The following CGRRF1 variants were observed in gnomAD, a reference collection of about 807,000 sequenced individuals.
CGRRF1 encodes cell growth regulator with RING finger domain protein 1.
In CGRRF1, 32 loss-of-function variants were observed where a neutral mutation model predicts 37.2. That is an observed-to-expected ratio of 0.86 (90% CI 0.65 to 1.16). The LOEUF (loss-of-function observed/expected upper bound fraction) is 1.16. CGRRF1 is among the 50% of genes most tolerant of loss of function. The probability of loss-of-function intolerance (pLI) is 0.00; values close to 1 mark genes in which losing one functional copy is unlikely to be tolerated. For missense variants in CGRRF1, 391 were observed against 382.6 expected (o/e 1.02, Z -0.18); for synonymous variants, 141 against 140.3 (o/e 1.00, Z -0.04).
chr14:54,535,662 T>C (rs374913684), intron 4 of CGRRF1, among the ~76,000 whole-genome samples: 82 of 152,300 alleles, frequency 5.4e-4, no homozygotes, highest in African/African-American at 1.8e-3. Context: ...ATCCTGCTTT[T>C]TATTAAAAAA....
chr14:54,521,313 T>G (rs2032311922), intron 1 of CGRRF1, among the ~76,000 whole-genome samples: 1 of 151,550 alleles, frequency 6.6e-6, no homozygotes, highest in Admixed American at 6.6e-5. Context: ...ATACAAAAAT[T>G]ACCTGGGCAT....
At chr14:54,525,362 T>C (rs1178934045) in intron 2 of CGRRF1, among the ~76,000 whole-genome samples, 7 of 152,226 alleles carry the variant, frequency 4.6e-5, no homozygotes, top group African/African-American at 1.7e-4. Context: ...TTGCGAATGT[T>C]TGAGGCAAAT....
intron 1 of CGRRF1, among the ~76,000 whole-genome samples, chr14:54,515,240 T>A (rs2032196001): frequency 6.6e-6 from 1 of 151,550 alleles, no homozygotes; most frequent in Admixed American, 6.6e-5. Context: ...AGGTGTGCAC[T>A]ACCATGCCCA....
chr14:54,531,474 T>C (rs556247860), intron 4 of CGRRF1, among the ~76,000 whole-genome samples: 19 of 152,316 alleles, frequency 1.2e-4, no homozygotes, highest in African/African-American at 4.6e-4. Flanking sequence ...TTCTGTATTC[T>C]GTCATATTTG....
At chr14:54,511,889 G>T (rs549964513) in intron 1 of CGRRF1, among the ~76,000 whole-genome samples, 88 of 152,242 alleles carry the variant, frequency 5.8e-4, no homozygotes, top group Middle Eastern at 3.4e-3. Context: ...CCTAATTTAG[G>T]CCTAACCAGT....
chr14:54,528,001 A>G (rs992816836), intron 2 of CGRRF1, among the ~76,000 whole-genome samples: 1 of 152,154 alleles, frequency 6.6e-6, no homozygotes, highest in Admixed American at 6.5e-5. Flanking sequence ...TTGGCCTCCC[A>G]AAGTGCTGGA....
intron 1 of CGRRF1, among the ~76,000 whole-genome samples, chr14:54,519,411 ATTTTTTT>A (rs1217283462): frequency 6.6e-5 from 8 of 121,602 alleles, no homozygotes; most frequent in African/African-American, 9.2e-5. Context: ...CTAATTTTCC[ATTTTTTT>A]TTTTTTTTTT....
chr14:54,528,129 G>C (rs1378646598), intron 2 of CGRRF1, among the ~76,000 whole-genome samples: 1 of 149,478 alleles, frequency 6.7e-6, no homozygotes, highest in African/African-American at 2.5e-5. Context: ...TCTCTACCTT[G>C]CTTTTTTTTC....
In CGRRF1 at chr14:54,538,163, C is replaced by G; in HGVS notation, c.779C>G (p.Ser260Cys). Residue 260 changes from serine to cysteine, a missense_variant, in exon 6 of 6, where the codon TCT becomes TGT. Coordinates refer to ENST00000216420, the MANE Select transcript of CGRRF1 (RefSeq NM_006568.3). Reference protein sequence around the residue: ...DRSLLEKVGLSESEVEPSEEN... With the variant: ...DRSLLEKVGLCESEVEPSEEN... ...AGTTTGTTGGAAAAGGTGGGACTCT[C>G]TGAAAGTGAAGTTGAGCCATCGGAA... 6.2e-7 allele frequency: 1 copy of G among 1,614,180 alleles called. No homozygotes were observed. The highest frequency in any genetic ancestry group is 8.5e-7 in the Non-Finnish European group (1 of 1,180,024).
chr14:54,518,883 A>G (rs1415229345), intron 1 of CGRRF1, among the ~76,000 whole-genome samples: 1 of 152,090 alleles, frequency 6.6e-6, no homozygotes, highest in African/African-American at 2.4e-5. Context: ...TTTTATATTC[A>G]TTTATACCCA....
chr14:54,531,047 T>C lies in CGRRF1; in HGVS notation c.567T>C (p.Asp189=). Residue 189 remains aspartate, a synonymous_variant, in exon 4 of 6, where the codon GAT becomes GAC. Coordinates refer to ENST00000216420, the MANE Select transcript of CGRRF1 (RefSeq NM_006568.3). The part of the protein sequence containing the change: ...LADEDDREIY[D]IISMVSVIHI... ...ATGAGGATGACCGGGAAATTTATGA[T>C]ATTGTAAGTAATTGAAAATTTTGAA... is the stretch of plus-strand genomic sequence containing the variant. 6.2e-7 allele frequency: 1 copy of C among 1,601,930 alleles called. No homozygotes were observed. Among genetic ancestry groups the C allele is most frequent in the Middle Eastern group, 1.7e-4 (1 of 6,040 alleles).
In CGRRF1 at chr14:54,538,260, A is replaced by G; in HGVS notation, c.876A>G (p.Thr292=). ...VNWVLLPCRH[T]CLCDGCVKYF... ...GGGTACTCTTACCATGCAGACACAC[A>G]TGCCTGTGTGATGGCTGTGTGAAGT... Residue 292 remains threonine (T), a synonymous_variant, in exon 6 of 6, where the codon ACA becomes ACG. Coordinates refer to ENST00000216420, the MANE Select transcript of CGRRF1 (RefSeq NM_006568.3). The G allele has an allele frequency of 6.2e-7, 1 of 1,614,184 alleles. No individual in the cohort carries two copies. The highest frequency in any genetic ancestry group is 8.5e-7 in the Non-Finnish European group (1 of 1,180,006).
At chr14:54,531,080 C>G (rs747493877) in intron 4 of CGRRF1, 30 bp downstream of exon 4, 1 of 1,511,116 alleles carries the variant, frequency 6.6e-7, no homozygotes, top group African/African-American at 1.4e-5. Context: ...GAAAGCATTA[C>G]CTTTAAGTGA....
At chr14:54,513,604 ATGTT>A (rs2032166729) in intron 1 of CGRRF1, among the ~76,000 whole-genome samples, 4 of 150,982 alleles carry the variant, frequency 2.6e-5, no homozygotes, top group African/African-American at 7.3e-5. Flanking sequence ...ATGTTATGTT[ATGTT>A]ATGTTATGTA....
In CGRRF1 at chr14:54,538,630, C is replaced by A; in HGVS notation, c.*247C>A. ...TCTTGAAAAGAATCTAAGAGTTTGG[C>A]CTTTTATTAGCTAGATTTCCTCTCA... On this transcript the variant is annotated 3_prime_UTR_variant, in exon 6 of 6. Transcript: ENST00000216420. The A allele has an allele frequency of 3.3e-6, 1 of 303,526 alleles. No homozygotes were observed. The highest frequency in any genetic ancestry group is 6.0e-6 in the Non-Finnish European group (1 of 165,720). 18.8% of individuals were successfully genotyped at this position (303,526 alleles called of 1,614,324 possible). A position where few individuals can be genotyped will look rare whatever the true frequency, so the allele number is the denominator to read the frequency against.
chr14:54,519,386 C>G (rs909038114), intron 1 of CGRRF1, among the ~76,000 whole-genome samples: 3 of 151,430 alleles, frequency 2.0e-5, no homozygotes, highest in Non-Finnish European at 2.9e-5. Context: ...CACAGGTGTA[C>G]ACCACCATGC....
intron 3 of CGRRF1, 110 bp downstream of exon 3, chr14:54,530,336 T>C (rs2140064309): frequency 1.5e-6 from 2 of 1,326,894 alleles, no homozygotes; most frequent in Middle Eastern, 2.7e-4. Context: ...GTTTATTGCT[T>C]CAGAATAAGC....
At chr14:54,518,066 C>G (rs180673209) in intron 1 of CGRRF1, among the ~76,000 whole-genome samples, 162 of 152,232 alleles carry the variant, frequency 1.1e-3, no homozygotes, top group African/African-American at 3.4e-3. Context: ...GCTATTGTGA[C>G]TAGTGCTGAA....
intron 1 of CGRRF1, among the ~76,000 whole-genome samples, chr14:54,512,757 T>C (rs374348084): frequency 8.5e-5 from 13 of 152,362 alleles, no homozygotes; most frequent in African/African-American, 3.1e-4. Context: ...TTCCAGTTTA[T>C]GCTTTCCTAC....
Sources: allele counts gnomAD v4.1 joint callset (sites outside exome capture counted in the v4.1 genomes callset), GRCh38; gene constraint gnomAD v4.1.1; transcripts MANE v1.5; gene names NCBI Gene and HGNC (gene_info 2026-07-23, HGNC 2026-07-21).